The following SUPT3H variants were observed in gnomAD, a reference collection of about 807,000 sequenced individuals.
The protein encoded by SUPT3H is transcription initiation protein SPT3 homolog.
Under a neutral mutation model 44.3 loss-of-function variants are expected in SUPT3H, and 44 were observed. That is an observed-to-expected ratio of 0.99 (90% CI 0.78 to 1.28). SUPT3H has a LOEUF of 1.28. Ranked by LOEUF, SUPT3H falls within the 50% of genes most tolerant of loss-of-function variation. The pLI, the probability that SUPT3H is intolerant of heterozygous loss-of-function variation, is 0.00. For missense variants in SUPT3H, 380 were observed against 387.1 expected (o/e 0.98, Z 0.15); for synonymous variants, 124 against 125.6 (o/e 0.99, Z 0.09).
downstream of SUPT3H, among the ~76,000 whole-genome samples, chr6:44,825,955 T>C (rs1000015023): frequency 2.6e-5 from 4 of 152,190 alleles, no homozygotes; most frequent in Non-Finnish European, 4.4e-5. Flanking sequence ...CTGCAGGAAT[T>C]GATTGCTTTA....
At chr6:44,819,213 C>G (rs1013155045) in intron 11 of SUPT3H, among the ~76,000 whole-genome samples, 1 of 151,954 alleles carries the variant, frequency 6.6e-6, no homozygotes, top group African/African-American at 2.4e-5. Context: ...AAAAGACACA[C>G]AAAAATCTTG....
At position 45,281,637 on chromosome 6, in the gene SUPT3H, C is replaced by A. The variant is rs571913714; in HGVS notation, c.101+83564G>T. 9.4e-4 allele frequency among the ~76,000 whole-genome samples: 143 copies of A among 152,308 alleles called. 1 individual carries two copies. Among genetic ancestry groups the A allele is most frequent in the Middle Eastern group, 3.4e-3 (1 of 294 alleles). On this transcript the variant is annotated intron_variant, in intron 2 of 10. Coordinates refer to ENST00000371459, the MANE Select transcript of SUPT3H (RefSeq NM_003599.4). Reference sequence around the variant, plus strand: ...GCCCAGCACAGCTCAAGGAGGCCTGCCTGCCTCTGTAGACTCCACCTCTGG... The same window carrying A: ...GCCCAGCACAGCTCAAGGAGGCCTGACTGCCTCTGTAGACTCCACCTCTGG...
At chr6:45,318,794 G>A (rs1477614119) in intron 2 of SUPT3H, among the ~76,000 whole-genome samples, 4 of 151,944 alleles carry the variant, frequency 2.6e-5, no homozygotes, top group African/African-American at 4.8e-5. Flanking sequence ...GAGTCCTAGA[G>A]ATTTAAAATA....
At chr6:45,126,762 G>T (rs912295539) in intron 2 of SUPT3H, among the ~76,000 whole-genome samples, 1 of 152,132 alleles carries the variant, frequency 6.6e-6, no homozygotes, top group Admixed American at 6.5e-5. Context: ...GATAAAATAG[G>T]TACTGTATAT....
At chr6:45,208,593 G>T (rs1763571904) in intron 2 of SUPT3H, among the ~76,000 whole-genome samples, 1 of 151,990 alleles carries the variant, frequency 6.6e-6, no homozygotes, top group Admixed American at 6.6e-5. Flanking sequence ...GTATGGTGGT[G>T]TGCACCTGTA....
chr6:45,214,140 A>G (rs1472091298), intron 2 of SUPT3H, among the ~76,000 whole-genome samples: 1 of 151,990 alleles, frequency 6.6e-6, no homozygotes, highest in Non-Finnish European at 1.5e-5. Context: ...CAAACGATTC[A>G]GTGACCACCC....
chr6:45,303,955 C>T (rs1240129947), intron 2 of SUPT3H, among the ~76,000 whole-genome samples: 7 of 149,568 alleles, frequency 4.7e-5, no homozygotes, highest in South Asian at 2.1e-4. Flanking sequence ...CCAGCCTGGG[C>T]GACAGAGCAA....
intron 2 of SUPT3H, among the ~76,000 whole-genome samples, chr6:45,189,122 G>A (rs1395036731): frequency 6.6e-6 from 1 of 151,772 alleles, no homozygotes; most frequent in Non-Finnish European, 1.5e-5. Flanking sequence ...TTCTTAGAAA[G>A]AACTTAAAAA....
chr6:45,289,948 T>C (rs1780048329), intron 2 of SUPT3H, among the ~76,000 whole-genome samples: 1 of 152,210 alleles, frequency 6.6e-6, no homozygotes, highest in Non-Finnish European at 1.5e-5. Context: ...TGTTGGAGGC[T>C]GACGCAGGAG....
At chr6:45,100,631 T>C (rs2153568390) in intron 3 of SUPT3H, among the ~76,000 whole-genome samples, 1 of 133,032 alleles carries the variant, frequency 7.5e-6, no homozygotes, top group South Asian at 2.5e-4. Context: ...GAAATGCAAA[T>C]GAAAACAACA....
intron 9 of SUPT3H, among the ~76,000 whole-genome samples, chr6:44,948,059 C>A (rs965223627): frequency 2.6e-5 from 4 of 152,092 alleles, no homozygotes; most frequent in African/African-American, 9.7e-5. Context: ...AATAGGGAAT[C>A]CTTTACCCAT....
At chr6:45,200,990 G>C (rs972808460) in intron 2 of SUPT3H, among the ~76,000 whole-genome samples, 1 of 151,410 alleles carries the variant, frequency 6.6e-6, no homozygotes, top group African/African-American at 2.4e-5. Context: ...AAGCACCTAT[G>C]TATTACTTCC....
At chr6:45,100,541 T>TAAAAAAAAAAAAAAAAAAAAA (rs58120512) in intron 3 of SUPT3H, among the ~76,000 whole-genome samples, 9 of 33,450 alleles carry the variant, frequency 2.7e-4, no homozygotes, top group East Asian at 1.3e-3. Flanking sequence ...ACCCTGTACT[T>TAAAAAAAAAAAAAAAAAAAAA]AAAAAAAAAA....
At position 44,889,465 on chromosome 6, in the gene SUPT3H, G is replaced by A. The variant is rs201326584; in HGVS notation, c.912+43188C>T. On this transcript the variant is annotated intron_variant, in intron 10 of 10. Coordinates refer to ENST00000371459, the MANE Select transcript of SUPT3H (RefSeq NM_003599.4). The stretch of plus-strand genomic sequence containing the variant: ...CCCTCAGAAATAACACCGCATATCT[G>A]CAACTATCTGATCTTTGACAAACCT... Among the ~76,000 whole-genome samples the A allele has an allele frequency of 2.1e-4, 32 of 152,216 alleles. No individual in the cohort carries two copies. In the East Asian group the frequency reaches 3.3e-3, roughly 16 times the overall value.
intron 2 of SUPT3H, among the ~76,000 whole-genome samples, chr6:45,295,759 T>C (rs1781085333): frequency 6.6e-6 from 1 of 151,824 alleles, no homozygotes; most frequent in African/African-American, 2.4e-5. Flanking sequence ...GAAAAAATGC[T>C]CAACATCACT....
At chr6:45,190,058 T>C (rs1482162149) in intron 2 of SUPT3H, among the ~76,000 whole-genome samples, 1 of 152,194 alleles carries the variant, frequency 6.6e-6, no homozygotes, top group African/African-American at 2.4e-5. Flanking sequence ...AGCTTTAATA[T>C]ATGTTCCAGA....
At chr6:44,924,770 TTTA>T (rs1346359691) in intron 10 of SUPT3H, among the ~76,000 whole-genome samples, 2 of 152,142 alleles carry the variant, frequency 1.3e-5, no homozygotes, top group African/African-American at 4.8e-5. Context: ...GGCCTACAGT[TTTA>T]AACATATGTT....
In SUPT3H at chr6:44,858,610, T is replaced by C. The variant is rs542796522; in HGVS notation, c.913-28753A>G. On this transcript the variant is annotated intron_variant, in intron 10 of 10. Transcript: ENST00000371459. ...ACCATATAAAACTGTTGGCATTCAA[T>C]TGGGTTTGACCTACATAAATGGCAA... 4.6e-5 allele frequency among the ~76,000 whole-genome samples: 7 copies of C among 152,164 alleles called. No individual in the cohort carries two copies. In the South Asian group the frequency reaches 1.2e-3, roughly 27 times the overall value.
chr6:45,305,257 G>C (rs776233261), intron 2 of SUPT3H, among the ~76,000 whole-genome samples: 3 of 152,060 alleles, frequency 2.0e-5, no homozygotes, highest in Non-Finnish European at 4.4e-5. Context: ...CTCACCACCT[G>C]TATTACATAA....
Sources: allele counts gnomAD v4.1 joint callset (sites outside exome capture counted in the v4.1 genomes callset), GRCh38; gene constraint gnomAD v4.1.1; transcripts MANE v1.5; gene names NCBI Gene and HGNC (gene_info 2026-07-23, HGNC 2026-07-21).